FAM13C: variants seen among roughly 807,000 people sequenced by gnomAD.
The protein encoded by FAM13C is protein FAM13C.
A neutral mutation model predicts 73.2 loss-of-function variants in FAM13C; 37 were observed. That is an observed-to-expected ratio of 0.51 (90% CI 0.39 to 0.67). The LOEUF (loss-of-function observed/expected upper bound fraction) is 0.67. FAM13C is among the 30% of genes least tolerant of loss of function. FAM13C has a pLI of 0.00. For missense variants in FAM13C, 589 were observed against 715.6 expected (o/e 0.82, Z 2.02); for synonymous variants, 246 against 260.9 (o/e 0.94, Z 0.55).
chr10:59,311,823 G>A (rs1297983527), intron 4 of FAM13C, among the ~76,000 whole-genome samples: 5 of 152,144 alleles, frequency 3.3e-5, no homozygotes, highest in African/African-American at 1.2e-4. Flanking sequence ...GTTCCTCAGA[G>A]AGACCCCAGT....
chr10:59,361,805 G>A (rs1203821546), intron 1 of FAM13C, among the ~76,000 whole-genome samples: 1 of 152,152 alleles, frequency 6.6e-6, no homozygotes, highest in Admixed American at 6.5e-5. Context: ...TTCCATGTTT[G>A]AAGGGTGTTA....
intron 3 of FAM13C, among the ~76,000 whole-genome samples, chr10:59,328,304 T>C (rs1227133705): frequency 6.6e-6 from 1 of 152,172 alleles, no homozygotes; most frequent in African/African-American, 2.4e-5. Flanking sequence ...CAAACTTAGT[T>C]AAGGAAAAAT....
At chr10:59,287,648 C>CT (rs1845758982) in intron 5 of FAM13C, among the ~76,000 whole-genome samples, 1 of 152,134 alleles carries the variant, frequency 6.6e-6, no homozygotes, top group African/African-American at 2.4e-5. Flanking sequence ...TATTCTGGGC[C>CT]TTAATGTCCT....
At chr10:59,360,653 T>C (rs1382551898) in intron 1 of FAM13C, among the ~76,000 whole-genome samples, 2 of 152,092 alleles carry the variant, frequency 1.3e-5, no homozygotes, top group Non-Finnish European at 2.9e-5. Flanking sequence ...CCTATGAAGC[T>C]TTTGGTATGT....
At chr10:59,323,696 TAAGAATAGATGAAATCAGC>T (rs1795277058) in intron 4 of FAM13C, among the ~76,000 whole-genome samples, 1 of 152,156 alleles carries the variant, frequency 6.6e-6, no homozygotes, top group Non-Finnish European at 1.5e-5. Context: ...GAATAAAGAA[TAAGAATAGATGAAATCAGC>T]ATTCCTCTCC....
chr10:59,255,399 T>A (rs1841855540), intron 10 of FAM13C, among the ~76,000 whole-genome samples: 1 of 152,126 alleles, frequency 6.6e-6, no homozygotes. Flanking sequence ...GCATAAAAGT[T>A]TAAATAGCTT....
Position 59,286,516 on chromosome 10 carries a change from AATATATATATAT to A in FAM13C, c.508-3081_508-3070del, listed in dbSNP as rs1159774665. On this transcript the variant is annotated intron_variant, in intron 5 of 13. Coordinates refer to ENST00000618804, the MANE Select transcript of FAM13C (RefSeq NM_198215.4). ...GGCAACAGAGCAAGACTCCATCTCA[AATATATATATAT>A]ATATATATATATATTCATCATACAG... Among the ~76,000 whole-genome samples, 31 of 110,946 alleles carry A rather than the reference AATATATATATAT, an allele frequency of 2.8e-4. 2 individuals carry two copies. The highest frequency in any genetic ancestry group is 1.5e-3 in the South Asian group (4 of 2,684). 72.8% of individuals were successfully genotyped at this position (110,946 alleles called of 152,430 possible).
intron 3 of FAM13C, 149 bp from the exon 4 acceptor site, chr10:59,324,255 G>A (rs1315511045): frequency 1.7e-5 from 10 of 597,130 alleles, no homozygotes; most frequent in Non-Finnish European, 2.9e-5. Context: ...CAATTCACTG[G>A]TCCAAAATTT....
chr10:59,327,383 T>C (rs1851297730), intron 3 of FAM13C, among the ~76,000 whole-genome samples: 2 of 152,192 alleles, frequency 1.3e-5, no homozygotes, highest in African/African-American at 2.4e-5. Context: ...CAATCAAATG[T>C]ATTTGCCTCT....
chr10:59,333,664 TCTTTG>T (rs1478297305), intron 3 of FAM13C, among the ~76,000 whole-genome samples: 1 of 152,246 alleles, frequency 6.6e-6, no homozygotes, highest in Non-Finnish European at 1.5e-5. Context: ...TGTCTGTTAT[TCTTTG>T]CTTTCAAATA....
rs752842174 is a variant in FAM13C, at chr10:59,252,938, C to A, written c.1393G>T (p.Asp465Tyr). Reference sequence around the variant, plus strand: ...CCAACAGGAAGGTGAGATGCTGGATCTGCCAAAGAAGGTTGTTGGCTTCCC... The same window carrying A: ...CCAACAGGAAGGTGAGATGCTGGATATGCCAAAGAAGGTTGTTGGCTTCCC... Reference protein sequence around the residue: ...PQGSQQPSLADPASHLPVGDH... With the variant: ...PQGSQQPSLAYPASHLPVGDH... Residue 465 changes from aspartate to tyrosine, a missense_variant, in exon 12 of 14, where the codon GAT becomes TAT. Transcript: ENST00000618804. 6.2e-7 allele frequency: 1 copy of A among 1,614,136 alleles called. No individual in the cohort carries two copies. Among genetic ancestry groups the A allele is most frequent in the South Asian group, 1.1e-5 (1 of 91,070 alleles).
chr10:59,302,720 A>T, intron 5 of FAM13C, 81 bp downstream of exon 5: 1 of 1,304,920 alleles, frequency 7.7e-7, no homozygotes, highest in African/African-American at 1.5e-5. Flanking sequence ...ATGAGAATGA[A>T]TTCCTAGTAC....
intron 6 of FAM13C, 103 bp from the exon 7 acceptor site, chr10:59,270,212 TC>T: frequency 8.8e-7 from 1 of 1,133,908 alleles, no homozygotes; most frequent in South Asian, 1.6e-5. Context: ...ATGGCTTGCC[TC>T]TTTGTCATTT....
chr10:59,292,040 G>A (rs1209612578), intron 5 of FAM13C, among the ~76,000 whole-genome samples: 8 of 151,876 alleles, frequency 5.3e-5, no homozygotes, highest in Admixed American at 2.6e-4. Context: ...CGCCCACCTT[G>A]GCCTCCCAAA....
chr10:59,277,712 AC>A (rs1203944421), intron 6 of FAM13C, among the ~76,000 whole-genome samples: 7 of 152,204 alleles, frequency 4.6e-5, no homozygotes, highest in Non-Finnish European at 1.0e-4. Flanking sequence ...CTTACAAAAT[AC>A]GTTAATTATA....
chr10:59,271,631 C>G (rs1312018764), intron 6 of FAM13C, among the ~76,000 whole-genome samples: 2 of 152,190 alleles, frequency 1.3e-5, no homozygotes, highest in Non-Finnish European at 2.9e-5. Flanking sequence ...CCAGAAAACT[C>G]TGCAGTTTGG....
intron 4 of FAM13C, among the ~76,000 whole-genome samples, chr10:59,321,139 T>A (rs1027175923): frequency 1.2e-4 from 18 of 152,174 alleles, no homozygotes; most frequent in African/African-American, 4.1e-4. Context: ...CCTTACCTTA[T>A]GTGACAAAAA....
intron 5 of FAM13C, among the ~76,000 whole-genome samples, chr10:59,287,134 C>T (rs1178777705): frequency 4.0e-5 from 6 of 149,918 alleles, no homozygotes; most frequent in East Asian, 2.0e-4. Flanking sequence ...GTCAGGACTT[C>T]GAGACCAGCC....
At chr10:59,290,601 C>A (rs2133768425) in intron 5 of FAM13C, among the ~76,000 whole-genome samples, 1 of 152,302 alleles carries the variant, frequency 6.6e-6, no homozygotes, top group East Asian at 1.9e-4. Context: ...GGCCAAGATC[C>A]CATCAAATTA....
Sources: gnomAD v4.1 joint callset for allele counts (sites outside exome capture counted in the v4.1 genomes callset) on GRCh38, gnomAD v4.1.1 for gene constraint, MANE v1.5 for transcripts, NCBI Gene and HGNC (gene_info 2026-07-23, HGNC 2026-07-21) for gene names.